Variants in FRMD6 observed in about 807,000 individuals in gnomAD.
The protein encoded by FRMD6 is FERM domain containing 6.
FRMD6 carries 37 observed loss-of-function variants against 73.2 expected under a neutral mutation model. The observed-to-expected ratio is 0.51, with a 90% CI of 0.39 to 0.66. FRMD6 has a LOEUF of 0.66. FRMD6 is among the 30% of genes least tolerant of loss of function. The pLI, the probability that FRMD6 is intolerant of heterozygous loss-of-function variation, is 0.00. For synonymous variants in FRMD6, 273 were observed against 282.2 expected, an observed-to-expected ratio of 0.97 and a Z score of 0.33; for missense variants, 714 against 780.5, an observed-to-expected ratio of 0.91 and a Z score of 1.02.
chr14:51,425,760 C>A, the FRMD6 span, among the ~76,000 whole-genome samples: 2 of 152,244 alleles, frequency 1.3e-5, no homozygotes, highest in Admixed American at 6.5e-5. Context: ...GGTCTCTCCT[C>A]TTGTCCTCTC....
chr14:51,513,116 CA>C (rs1884412187), intron 1 of FRMD6, among the ~76,000 whole-genome samples: 1 of 152,330 alleles, frequency 6.6e-6, no homozygotes, highest in South Asian at 2.1e-4. Context: ...CAGAGTGCCC[CA>C]CCCTCAGGGC....
At chr14:51,633,807 T>C (rs7151833) in intron 2 of FRMD6, among the ~76,000 whole-genome samples, 30,839 of 152,044 alleles carry the variant, frequency 0.2, 3,316 homozygotes, top group African/African-American at 0.29. Context: ...TAAAGTTACG[T>C]ACAATACTTC....
Position 51,641,209 on chromosome 14 carries a change from GTCC to G in FRMD6, c.-146-48479_-146-48477del, listed in dbSNP as rs537699313. Among the ~76,000 whole-genome samples the G allele has an allele frequency of 9.1e-3, 1,383 of 152,272 alleles. 7 individuals are homozygous for G. The highest frequency in any genetic ancestry group is 0.024 in the Middle Eastern group (7 of 294). On this transcript the variant is annotated intron_variant, in intron 2 of 14. Transcript: ENST00000356218. Reference sequence around the variant, plus strand: ...TTGGCCAGGCTGGTCTTGAACTCCTGTCCTCAAGTGATCCATTCGCCTTAGCCT... The same window carrying G: ...TTGGCCAGGCTGGTCTTGAACTCCTGTCAAGTGATCCATTCGCCTTAGCCT...
chr14:51,398,811 G>T, the FRMD6 span, among the ~76,000 whole-genome samples: 8 of 152,140 alleles, frequency 5.3e-5, no homozygotes, highest in Non-Finnish European at 8.8e-5. Flanking sequence ...CTGGTCTCCA[G>T]GTTTTCCCGA....
intron 1 of FRMD6, among the ~76,000 whole-genome samples, chr14:51,685,069 G>A (rs190560494): frequency 7.2e-5 from 11 of 152,322 alleles, no homozygotes; most frequent in Non-Finnish European, 1.5e-4. Flanking sequence ...GCATGAGAGT[G>A]AGTTTGCAGG....
intron 1 of FRMD6, among the ~76,000 whole-genome samples, chr14:51,518,651 T>G (rs1020174624): frequency 2.6e-5 from 4 of 152,230 alleles, no homozygotes; most frequent in African/African-American, 9.6e-5. Flanking sequence ...AGTATTTTCC[T>G]TGTGACCTTT....
chr14:51,484,901 T>C (rs930761655), upstream of FRMD6, among the ~76,000 whole-genome samples: 14 of 152,304 alleles, frequency 9.2e-5, no homozygotes, highest in South Asian at 2.1e-4. Context: ...TTGACATTAG[T>C]TGAACACAGC....
At chr14:51,487,448 A>G (rs1234648437), upstream of FRMD6, among the ~76,000 whole-genome samples, 1 of 152,204 alleles carries the variant, frequency 6.6e-6, no homozygotes, top group Non-Finnish European at 1.5e-5. Flanking sequence ...TTACATACAG[A>G]TCACTTGGGG....
At chr14:51,644,365 A>G (rs1202347385) in intron 2 of FRMD6, among the ~76,000 whole-genome samples, 3 of 132,858 alleles carry the variant, frequency 2.3e-5, no homozygotes, top group African/African-American at 5.6e-5. Flanking sequence ...ACACACACAC[A>G]CACACACACA....
chr14:51,638,298 CA>C (rs1428393772), intron 2 of FRMD6, among the ~76,000 whole-genome samples: 2 of 152,114 alleles, frequency 1.3e-5, no homozygotes, highest in African/African-American at 4.8e-5. Flanking sequence ...AAAAGTTTGC[CA>C]AATTCCTTCC....
chr14:51,680,089 T>C (rs1894693656), intron 1 of FRMD6, among the ~76,000 whole-genome samples: 1 of 152,202 alleles, frequency 6.6e-6, no homozygotes, highest in South Asian at 2.1e-4. Context: ...TGTACTATGC[T>C]GTGTGCCATC....
chr14:51,724,251 A>G (rs2140683172), intron 12 of FRMD6: 1 of 151,534 alleles, frequency 6.6e-6, no homozygotes, highest in African/African-American at 2.4e-5. Flanking sequence ...GTAGTGATGA[A>G]GTATACCACA....
At chr14:51,539,269 C>T (rs1462709054) in intron 1 of FRMD6, among the ~76,000 whole-genome samples, 3 of 152,068 alleles carry the variant, frequency 2.0e-5, no homozygotes, top group Non-Finnish European at 2.9e-5. Flanking sequence ...CCTCCCTGAG[C>T]TGCCCCCACC....
At chr14:51,643,551 A>G (rs1439377891) in intron 2 of FRMD6, 2 of 152,224 alleles carry the variant, frequency 1.3e-5, no homozygotes, top group Non-Finnish European at 2.9e-5. Flanking sequence ...GGTCAAAGGG[A>G]TTGGGACACG....
chr14:51,621,225 T>C (rs1011776621), intron 2 of FRMD6, among the ~76,000 whole-genome samples: 1 of 152,138 alleles, frequency 6.6e-6, no homozygotes, highest in African/African-American at 2.4e-5. Flanking sequence ...GTGCTTGATG[T>C]TATAACTCAA....
intron 2 of FRMD6, among the ~76,000 whole-genome samples, chr14:51,571,250 A>G (rs893531974): frequency 6.6e-6 from 1 of 152,166 alleles, no homozygotes; most frequent in African/African-American, 2.4e-5. Flanking sequence ...CTGGTGGCAC[A>G]CACCTGTAGT....
chr14:51,418,606 C>A, the FRMD6 span, among the ~76,000 whole-genome samples: 2 of 152,334 alleles, frequency 1.3e-5, no homozygotes, highest in African/African-American at 2.4e-5. Context: ...ACTGGGAGGT[C>A]TCTCCCAGTT....
intron 1 of FRMD6, among the ~76,000 whole-genome samples, chr14:51,555,786 G>A (rs977377461): frequency 2.2e-5 from 3 of 138,640 alleles, no homozygotes; most frequent in Non-Finnish European, 4.6e-5. Flanking sequence ...TGGGCAACAA[G>A]AGCAAAATTC....
intron 1 of FRMD6, among the ~76,000 whole-genome samples, chr14:51,672,398 G>T (rs974893540): frequency 1.3e-5 from 2 of 152,072 alleles, no homozygotes; most frequent in Admixed American, 1.3e-4. Context: ...AGTTTTGATG[G>T]GAAATCATTA....
Sources: allele counts gnomAD v4.1 joint callset (sites outside exome capture counted in the v4.1 genomes callset), GRCh38; gene constraint gnomAD v4.1.1; transcripts MANE v1.5; gene names NCBI Gene and HGNC (gene_info 2026-07-23, HGNC 2026-07-21).